Variants in ZFAND6 observed in about 807,000 individuals in gnomAD.
ZFAND6 encodes AN1-type zinc finger protein 6.
Under a neutral mutation model 24.5 loss-of-function variants are expected in ZFAND6, and 12 were observed. That is an observed-to-expected ratio of 0.49 (90% CI 0.31 to 0.79). The LOEUF is 0.79. Ranked by LOEUF, ZFAND6 falls within the 30% of genes least tolerant of loss-of-function variation. The pLI is 0.04. For missense variants in ZFAND6, 207 were observed against 245.9 expected, an observed-to-expected ratio of 0.84 and a Z score of 1.06; for synonymous variants, 92 against 81.5, an observed-to-expected ratio of 1.13 and a Z score of -0.69.
At position 80,131,988 on chromosome 15, in the gene ZFAND6, G is replaced by A. The variant is rs74639213; in HGVS notation, c.478+695G>A. 7.2e-3 allele frequency among the ~76,000 whole-genome samples: 1,095 copies of A among 152,294 alleles called. 14 individuals carry two copies. The highest frequency in any genetic ancestry group is 0.024 in the African/African-American group (1,014 of 41,548). ...AACTGATGGAAATAGGGGCATTTCA[G>A]GCAGAAAGAATAACTTGAAGAAAAT... On this transcript the variant is annotated intron_variant, in intron 6 of 6. Coordinates refer to ENST00000261749, the MANE Select transcript of ZFAND6 (RefSeq NM_019006.4).
rs551315753 is a variant in ZFAND6, at chr15:80,080,972, A to G, written c.-180-17444A>G. 2.6e-5 allele frequency among the ~76,000 whole-genome samples: 4 copies of G among 152,192 alleles called. No individual in the cohort carries two copies. In the East Asian group the frequency reaches 7.7e-4, roughly 29 times the overall value. On this transcript the variant is annotated intron_variant, in intron 1 of 6. Transcript: ENST00000261749. ...ATCCAGTCACCTCCCATCAGGCCCCACCTCCGATACTGGGGATTACAGTTC... is the reference window on the plus strand; with the variant it reads ...ATCCAGTCACCTCCCATCAGGCCCCGCCTCCGATACTGGGGATTACAGTTC...
intron 1 of ZFAND6, among the ~76,000 whole-genome samples, chr15:80,095,796 G>C (rs1354999898): frequency 6.6e-6 from 1 of 152,092 alleles, no homozygotes; most frequent in East Asian, 1.9e-4. Context: ...CTCTCTAACT[G>C]CCCTTCAAAA....
chr15:80,103,818 A>G (rs914327856), intron 2 of ZFAND6, among the ~76,000 whole-genome samples: 4 of 152,178 alleles, frequency 2.6e-5, no homozygotes, highest in Non-Finnish European at 5.9e-5. Context: ...AGGATTGCCT[A>G]AATGATAAGC....
chr15:80,077,989 G>A (rs931456614), intron 1 of ZFAND6, among the ~76,000 whole-genome samples: 2 of 151,884 alleles, frequency 1.3e-5, no homozygotes, highest in African/African-American at 4.8e-5. Context: ...GTGAGCCACC[G>A]CGCCCGGCTT....
In ZFAND6 at chr15:80,089,650, T is replaced by A. The variant is rs28413032; in HGVS notation, c.-180-8766T>A. ...TTCTAGCTGCTTACCATAGGCTGAT[T>A]GATGATCACTTGTATAGACTCCATT... is the stretch of plus-strand genomic sequence containing the variant. On this transcript the variant is annotated intron_variant, in intron 1 of 6. Transcript: ENST00000261749. Among the ~76,000 whole-genome samples the A allele has an allele frequency of 6.3e-4, 96 of 152,276 alleles. 2 individuals are homozygous for A. Among genetic ancestry groups the A allele is most frequent in the African/African-American group, 2.1e-3 (86 of 41,556 alleles).
At chr15:80,104,690 C>T (rs574385930) in intron 2 of ZFAND6, among the ~76,000 whole-genome samples, 24 of 152,078 alleles carry the variant, frequency 1.6e-4, no homozygotes, top group Non-Finnish European at 3.4e-4. Flanking sequence ...TTTCTTGAGT[C>T]GCTGATTTTG....
rs2040939182 is a variant in ZFAND6 at position 80,138,052 on chromosome 15, C to G, written c.*424C>G. On this transcript the variant is annotated 3_prime_UTR_variant, in exon 7 of 7. Transcript: ENST00000261749. The stretch of plus-strand genomic sequence containing the variant: ...TTAGGGCACAACTAGTTATCAGTAA[C>G]TGAATGTATCTTAATCATTATGGCT... 6.5e-6 allele frequency: 1 copy of G among 154,512 alleles called. No homozygotes were observed. The highest frequency in any genetic ancestry group is 2.4e-5 in the African/African-American group (1 of 41,474). 9.6% of individuals were successfully genotyped at this position (154,512 alleles called of 1,614,324 possible).
chr15:80,085,829 C>T (rs1044263393), intron 1 of ZFAND6, among the ~76,000 whole-genome samples: 3 of 151,980 alleles, frequency 2.0e-5, no homozygotes, highest in African/African-American at 7.3e-5. Context: ...CAGTGATGGA[C>T]TGCATATAGA....
intron 2 of ZFAND6, among the ~76,000 whole-genome samples, chr15:80,104,966 C>A (rs2141958212): frequency 6.6e-6 from 1 of 152,234 alleles, no homozygotes; most frequent in East Asian, 1.9e-4. Flanking sequence ...GTGAACAGCA[C>A]TTGTTCTAAA....
chr15:80,116,553 A>G (rs919196227), intron 2 of ZFAND6, among the ~76,000 whole-genome samples: 3 of 152,308 alleles, frequency 2.0e-5, no homozygotes, highest in Admixed American at 6.5e-5. Context: ...TTGGCATTCA[A>G]TCTGTTATAG....
chr15:80,101,110 A>C (rs1265187811), intron 2 of ZFAND6, among the ~76,000 whole-genome samples: 1 of 152,192 alleles, frequency 6.6e-6, no homozygotes, highest in African/African-American at 2.4e-5. Flanking sequence ...GAACATTACA[A>C]AGTAGGATAT....
intron 2 of ZFAND6, among the ~76,000 whole-genome samples, chr15:80,110,423 T>C (rs770418203): frequency 6.6e-6 from 1 of 152,148 alleles, no homozygotes; most frequent in Non-Finnish European, 1.5e-5. Context: ...AAAGGAGAAC[T>C]AAATAAACTG....
At chr15:80,064,792 C>T (rs763808894) in intron 1 of ZFAND6, among the ~76,000 whole-genome samples, 1 of 152,080 alleles carries the variant, frequency 6.6e-6, no homozygotes, top group Non-Finnish European at 1.5e-5. Context: ...AGGCGTTCCC[C>T]ACCATGCCTG....
chr15:80,067,719 T>C (rs192001124), intron 1 of ZFAND6, among the ~76,000 whole-genome samples: 1,836 of 152,270 alleles, frequency 0.012, 29 homozygotes, highest in African/African-American at 0.042. Flanking sequence ...TCTGCAATAA[T>C]AGATACTTAT....
chr15:80,062,470 C>G (rs541295142), intron 1 of ZFAND6, among the ~76,000 whole-genome samples: 144 of 152,234 alleles, frequency 9.5e-4, no homozygotes, highest in African/African-American at 3.3e-3. Context: ...AGGAACACAG[C>G]GACAAATTAG....
rs530230147 is a variant in ZFAND6 at position 80,091,343 on chromosome 15, G to A, written c.-180-7073G>A. Reference sequence around the variant, plus strand: ...CTCTGAATCTGGATGCCTAATGGATGGTTTGTATGTGATTAAACTCCAAGC... The same window carrying A: ...CTCTGAATCTGGATGCCTAATGGATAGTTTGTATGTGATTAAACTCCAAGC... On this transcript the variant is annotated intron_variant, in intron 1 of 6. Coordinates refer to ENST00000261749, the MANE Select transcript of ZFAND6 (RefSeq NM_019006.4). Among the ~76,000 whole-genome samples the A allele has an allele frequency of 1.2e-4, 18 of 152,166 alleles. No homozygotes were observed. In the South Asian group the frequency reaches 1.9e-3, roughly 16 times the overall value.
chr15:80,090,971 A>G (rs2038322930), intron 1 of ZFAND6, among the ~76,000 whole-genome samples: 2 of 152,160 alleles, frequency 1.3e-5, no homozygotes, highest in African/African-American at 2.4e-5. Context: ...GCCGCAACCC[A>G]CTAGAGGTTT....
chr15:80,113,295 C>T (rs1002046388), intron 2 of ZFAND6, among the ~76,000 whole-genome samples: 2 of 152,164 alleles, frequency 1.3e-5, no homozygotes, highest in Non-Finnish European at 2.9e-5. Flanking sequence ...TCAGATCTTC[C>T]TATTTTTCAA....
chr15:80,076,493 C>T (rs372036289), intron 1 of ZFAND6, among the ~76,000 whole-genome samples: 1 of 151,988 alleles, frequency 6.6e-6, no homozygotes, highest in African/African-American at 2.4e-5. Flanking sequence ...ATAATACATT[C>T]TTTACTGTGC....
Sources: gnomAD v4.1 joint callset for allele counts (sites outside exome capture counted in the v4.1 genomes callset) on GRCh38, gnomAD v4.1.1 for gene constraint, MANE v1.5 for transcripts, NCBI Gene and HGNC (gene_info 2026-07-23, HGNC 2026-07-21) for gene names.